EPB41L4A: variants seen among roughly 807,000 people sequenced by gnomAD.
EPB41L4A encodes the protein erythrocyte membrane protein band 4.1 like 4A, also known as band 4.1-like protein 4A.
Under a neutral mutation model 108.6 loss-of-function variants are expected in EPB41L4A, and 100 were observed. The ratio of observed to expected loss-of-function variants is 0.92; its 90% CI spans 0.78 to 1.09. The LOEUF is 1.09. Among genes scored for constraint, EPB41L4A ranks in the 50% least tolerant of loss-of-function variants. The pLI is 0.00. For synonymous variants in EPB41L4A, 319 were observed against 289.0 expected (o/e 1.10, Z -1.05); for missense variants, 1,030 against 842.7 (o/e 1.22, Z -2.75).
intron 1 of EPB41L4A, among the ~76,000 whole-genome samples, chr5:112,308,119 C>G (rs191922611): frequency 2.6e-5 from 4 of 152,164 alleles, no homozygotes; most frequent in Non-Finnish European, 5.9e-5. Context: ...AATCTCTTCT[C>G]TCCCCACCTA....
chr5:112,415,163 T>G (rs746948300), intron 1 of EPB41L4A, among the ~76,000 whole-genome samples: 52 of 152,178 alleles, frequency 3.4e-4, no homozygotes, highest in Non-Finnish European at 5.9e-4. Context: ...AGCCCTCGCC[T>G]TATGCTTGTT....
intron 2 of EPB41L4A, among the ~76,000 whole-genome samples, chr5:112,296,671 T>C (rs1014224534): frequency 6.6e-6 from 1 of 152,182 alleles, no homozygotes; most frequent in Non-Finnish European, 1.5e-5. Context: ...ATAAGTTCTT[T>C]AATGGTGATT....
chr5:112,209,141 T>C (rs914852689), intron 13 of EPB41L4A, among the ~76,000 whole-genome samples: 1 of 152,222 alleles, frequency 6.6e-6, no homozygotes, highest in African/African-American at 2.4e-5. Flanking sequence ...AAGTAGATGA[T>C]CTAAGAAGTC....
At position 112,384,960 on chromosome 5, in the gene EPB41L4A, A is replaced by C. The variant is rs189891007; in HGVS notation, c.99+33981T>G. On this transcript the variant is annotated intron_variant, in intron 1 of 22. Coordinates refer to ENST00000261486, the MANE Select transcript of EPB41L4A (RefSeq NM_022140.5). ...TTTGCTAGGGTTGCCAGTCCTGATC[A>C]CTGCACAAGCAATTCAGGCTCAGAG... Among the ~76,000 whole-genome samples the C allele has an allele frequency of 4.9e-4, 74 of 152,334 alleles. 1 individual carries two copies. The highest frequency in any genetic ancestry group is 4.1e-4 in the Non-Finnish European group (28 of 68,030).
intron 12 of EPB41L4A, among the ~76,000 whole-genome samples, chr5:112,227,471 G>C (rs1388543950): frequency 6.6e-6 from 1 of 152,152 alleles, no homozygotes; most frequent in Non-Finnish European, 1.5e-5. Context: ...GCCCATTTCA[G>C]ACACATCCCC....
At chr5:112,225,125 G>A (rs188461393) in intron 12 of EPB41L4A, among the ~76,000 whole-genome samples, 10 of 152,238 alleles carry the variant, frequency 6.6e-5, no homozygotes, top group Admixed American at 6.5e-4. Context: ...TTCTCATCCA[G>A]ACATCCTCCA....
At chr5:112,165,184 C>CA in intron 22 of EPB41L4A, 66 bp from the exon 23 acceptor site, 1 of 1,218,268 alleles carries the variant, frequency 8.2e-7, no homozygotes, top group Non-Finnish European at 1.2e-6. Context: ...ATTTTAATTA[C>CA]ATCAGAAACC....
At chr5:112,158,182 T>G (rs771231227), downstream of EPB41L4A, among the ~76,000 whole-genome samples, 1 of 152,178 alleles carries the variant, frequency 6.6e-6, no homozygotes, top group Non-Finnish European at 1.5e-5. Context: ...GGAGCAATAA[T>G]GTAAAGCCAT....
chr5:112,240,999 T>G (rs1749747860), intron 9 of EPB41L4A, among the ~76,000 whole-genome samples, 189 bp from the exon 10 acceptor site: 1 of 152,158 alleles, frequency 6.6e-6, no homozygotes. Context: ...GATTAAAATT[T>G]TATAAATTAC....
intron 22 of EPB41L4A, among the ~76,000 whole-genome samples, chr5:112,165,970 A>T (rs1760217886): frequency 6.6e-6 from 1 of 152,198 alleles, no homozygotes; most frequent in Non-Finnish European, 1.5e-5. Flanking sequence ...TCTATTTGGG[A>T]TGGAAGATTT....
intron 1 of EPB41L4A, among the ~76,000 whole-genome samples, chr5:112,354,118 T>C (rs1049930050): frequency 7.9e-5 from 12 of 152,224 alleles, no homozygotes; most frequent in African/African-American, 2.9e-4. Flanking sequence ...AAAACAAAGA[T>C]AGTAAGAGTA....
chr5:112,343,920 G>T lies in EPB41L4A; in HGVS notation c.100-36430C>A, dbSNP rs539719514. 9.2e-4 allele frequency among the ~76,000 whole-genome samples: 140 copies of T among 152,256 alleles called. No individual in the cohort carries two copies. The Middle Eastern group carries it at 0.02, about 22-fold the overall frequency. ...AAATTGACTGGATAAGCCAGGTATG[G>T]CGGAATGCACCTGAAGTCTCATATA... On this transcript the variant is annotated intron_variant, in intron 1 of 22. Transcript: ENST00000261486.
At chr5:112,237,506 C>G (rs1189252517) in intron 11 of EPB41L4A, among the ~76,000 whole-genome samples, 1 of 152,270 alleles carries the variant, frequency 6.6e-6, no homozygotes, top group African/African-American at 2.4e-5. Flanking sequence ...TAAACACATA[C>G]ACAATTACAC....
chr5:112,273,188 A>T (rs1158026264), intron 4 of EPB41L4A, among the ~76,000 whole-genome samples: 4 of 152,236 alleles, frequency 2.6e-5, no homozygotes, highest in African/African-American at 9.6e-5. Context: ...TATTAAACGC[A>T]CATTTAACTT....
intron 1 of EPB41L4A, among the ~76,000 whole-genome samples, chr5:112,332,857 T>C (rs1207548463): frequency 1.3e-5 from 2 of 152,162 alleles, no homozygotes; most frequent in Non-Finnish European, 2.9e-5. Flanking sequence ...TATTTATAAA[T>C]AGTAAAAGGC....
intron 17 of EPB41L4A, among the ~76,000 whole-genome samples, chr5:112,186,975 T>G (rs1276784071): frequency 2.6e-5 from 4 of 152,258 alleles, no homozygotes; most frequent in African/African-American, 9.6e-5. Context: ...TCTGACTTTT[T>G]AAGTCTCATT....
At chr5:112,332,799 T>C (rs1044201637) in intron 1 of EPB41L4A, among the ~76,000 whole-genome samples, 3 of 152,258 alleles carry the variant, frequency 2.0e-5, no homozygotes, top group Non-Finnish European at 4.4e-5. Context: ...CCATATCTTC[T>C]AAAAAGCACA....
intron 1 of EPB41L4A, among the ~76,000 whole-genome samples, chr5:112,368,627 C>G (rs577465282): frequency 1.3e-5 from 2 of 152,114 alleles, no homozygotes; most frequent in Non-Finnish European, 2.9e-5. Flanking sequence ...TGCACCTGCT[C>G]TCCCAAAGCC....
At chr5:112,356,709 T>G (rs2150746408) in intron 1 of EPB41L4A, among the ~76,000 whole-genome samples, 1 of 152,262 alleles carries the variant, frequency 6.6e-6, no homozygotes, top group Middle Eastern at 3.4e-3. Context: ...TTGCATTGAG[T>G]ACACTGTGCT....
Sources: gnomAD v4.1 joint callset for allele counts (sites outside exome capture counted in the v4.1 genomes callset) on GRCh38, gnomAD v4.1.1 for gene constraint, MANE v1.5 for transcripts, NCBI Gene and HGNC (gene_info 2026-07-23, HGNC 2026-07-21) for gene names.